Variants in MEI4 observed in about 807,000 individuals in gnomAD.
MEI4 encodes meiotic double-stranded break formation protein 4, also known as meiosis-specific protein MEI4.
MEI4 carries 27 observed loss-of-function variants against 31.4 expected under a neutral mutation model. The observed-to-expected ratio is 0.86, with a 90% CI of 0.63 to 1.19. The LOEUF (loss-of-function observed/expected upper bound fraction) is 1.19, where lower values mean the gene tolerates loss of function less well. MEI4 is among the 50% of genes most tolerant of loss of function. The probability of loss-of-function intolerance (pLI) is 0.00; values close to 1 mark genes in which losing one functional copy is unlikely to be tolerated. For synonymous variants in MEI4, 122 were observed against 145.4 expected (o/e 0.84, Z 1.16); for missense variants, 329 against 398.9 (o/e 0.82, Z 1.49).
In MEI4 at chr6:77,761,427, A is replaced by C. The variant is rs997914245; in HGVS notation, c.530A>C (p.Glu177Ala). 15 of 1,232,010 alleles carry C rather than the reference A, an allele frequency of 1.2e-5. No individual in the cohort carries two copies. The highest frequency in any genetic ancestry group is 1.5e-5 in the Non-Finnish European group (15 of 987,920). 76.3% of individuals were successfully genotyped at this position (1,232,010 alleles called of 1,614,324 possible). Residue 177 changes from glutamate (E) to alanine (A), a missense_variant, in exon 3 of 5, where the codon GAA (glutamate) becomes GCA (alanine). By Grantham distance (107) the Glu-to-Ala change is moderately radical (BLOSUM62 -1). Coordinates refer to ENST00000684080, the MANE Select transcript of MEI4 (RefSeq NM_001322247.2). Reference sequence around the variant, plus strand: ...CTTAAAAGAGACTTAACCCACTTTGAAAAAGACTCTTCCACAGTCTCTGAT... The same window carrying C: ...CTTAAAAGAGACTTAACCCACTTTGCAAAAGACTCTTCCACAGTCTCTGAT... The part of the protein sequence containing the change: ...GNLKRDLTHF[E>A]KDSSTVSDSV...
chr6:77,694,586 A>G (rs1484104636), intron 2 of MEI4, among the ~76,000 whole-genome samples: 1 of 152,182 alleles, frequency 6.6e-6, no homozygotes, highest in Non-Finnish European at 1.5e-5. Flanking sequence ...TACAAAGGAC[A>G]TGAACTCATC....
At chr6:77,667,612 G>A (rs1052422798) in intron 1 of MEI4, among the ~76,000 whole-genome samples, 1 of 152,096 alleles carries the variant, frequency 6.6e-6, no homozygotes, top group African/African-American at 2.4e-5. Context: ...TCGCTCTCAG[G>A]GGAGAAAGAC....
intron 3 of MEI4, among the ~76,000 whole-genome samples, chr6:77,784,719 A>G (rs979252084): frequency 6.6e-6 from 1 of 152,186 alleles, no homozygotes; most frequent in African/African-American, 2.4e-5. Context: ...GCAGTGTTAA[A>G]TGTAAATGTC....
At chr6:77,756,629 CTCTCTCTCTCTT>C (rs1189814481) in intron 2 of MEI4, among the ~76,000 whole-genome samples, 1 of 148,026 alleles carries the variant, frequency 6.8e-6, no homozygotes, top group South Asian at 2.1e-4. Flanking sequence ...CTCTCCCTCT[CTCTCTCTCTCTT>C]TCTCTCCCTC....
chr6:77,717,050 AG>A (rs1246586516), intron 2 of MEI4, among the ~76,000 whole-genome samples: 1 of 146,064 alleles, frequency 6.8e-6, no homozygotes, highest in Non-Finnish European at 1.5e-5. Flanking sequence ...GAAAGAAATA[AG>A]GGGACCCGGG....
intron 3 of MEI4, among the ~76,000 whole-genome samples, chr6:77,795,764 T>C (rs6940249): frequency 0.84 from 125,488 of 149,942 alleles, 53,113 homozygotes; most frequent in African/African-American, 0.96. Context: ...GAGATTGCAT[T>C]GGAAAAAAAA....
At chr6:77,771,298 G>C (rs773402269) in intron 3 of MEI4, among the ~76,000 whole-genome samples, 2 of 152,034 alleles carry the variant, frequency 1.3e-5, no homozygotes, top group Non-Finnish European at 2.9e-5. Context: ...ACAGATGCTG[G>C]CAAGGTTGTG....
intron 1 of MEI4, among the ~76,000 whole-genome samples, chr6:77,661,249 A>G (rs1768500904): frequency 1.3e-5 from 2 of 152,134 alleles, no homozygotes; most frequent in South Asian, 2.1e-4. Context: ...GAGGATGGTA[A>G]GGGATATGAA....
At chr6:77,757,372 A>T (rs948788849) in intron 2 of MEI4, among the ~76,000 whole-genome samples, 11 of 152,208 alleles carry the variant, frequency 7.2e-5, no homozygotes, top group African/African-American at 2.7e-4. Context: ...GTTTTTCCAT[A>T]TTAGCATTTC....
chr6:77,903,944 TA>T (rs1766239339), intron 4 of MEI4, among the ~76,000 whole-genome samples: 1 of 152,140 alleles, frequency 6.6e-6, no homozygotes, highest in African/African-American at 2.4e-5. Flanking sequence ...TTTGTGTACT[TA>T]AAGGTCAAGT....
intron 3 of MEI4, among the ~76,000 whole-genome samples, chr6:77,777,756 G>C (rs1768489938): frequency 6.6e-6 from 1 of 151,882 alleles, no homozygotes; most frequent in Non-Finnish European, 1.5e-5. Flanking sequence ...GACAACATGG[G>C]GGAACCAAAG....
At chr6:77,916,485 A>G (rs1265824697) in intron 4 of MEI4, among the ~76,000 whole-genome samples, 1 of 151,990 alleles carries the variant, frequency 6.6e-6, no homozygotes, top group Non-Finnish European at 1.5e-5. Context: ...GTTGATGTTG[A>G]TCAGATTCTG....
chr6:77,665,179 G>C (rs535459691), intron 1 of MEI4, among the ~76,000 whole-genome samples: 5 of 151,858 alleles, frequency 3.3e-5, no homozygotes, highest in Non-Finnish European at 5.9e-5. Flanking sequence ...GTCGAGGCAC[G>C]GAAAGGGGTC....
chr6:77,823,753 G>A (rs927732797), intron 3 of MEI4, among the ~76,000 whole-genome samples: 2 of 152,088 alleles, frequency 1.3e-5, no homozygotes, highest in African/African-American at 4.8e-5. Flanking sequence ...AAATAAAGAG[G>A]TTGAGACATA....
chr6:77,844,752 G>A (rs545749062), intron 4 of MEI4, among the ~76,000 whole-genome samples: 1 of 152,044 alleles, frequency 6.6e-6, no homozygotes, highest in South Asian at 2.1e-4. Flanking sequence ...ACATGTCGAG[G>A]AAAGCAGTTA....
chr6:77,686,051 T>C (rs1044881040), intron 1 of MEI4, among the ~76,000 whole-genome samples: 6 of 151,906 alleles, frequency 3.9e-5, no homozygotes, highest in Non-Finnish European at 5.9e-5. Context: ...TGAAAAAGAG[T>C]CTGGGACCTC....
At chr6:77,793,047 C>T (rs1768980996) in intron 3 of MEI4, among the ~76,000 whole-genome samples, 3 of 152,096 alleles carry the variant, frequency 2.0e-5, no homozygotes. Flanking sequence ...ATGTTTTTCT[C>T]CCAGTGTGTG....
chr6:77,880,950 A>C (rs1771475436), intron 4 of MEI4, among the ~76,000 whole-genome samples: 1 of 152,134 alleles, frequency 6.6e-6, no homozygotes, highest in Non-Finnish European at 1.5e-5. Flanking sequence ...TTTAAATTAA[A>C]ATTAAAAATC....
intron 2 of MEI4, among the ~76,000 whole-genome samples, chr6:77,727,361 T>C (rs745740394): frequency 9.9e-5 from 15 of 152,246 alleles, no homozygotes; most frequent in Non-Finnish European, 2.1e-4. Context: ...AAGGGGATTT[T>C]ATGAATGTTT....
Sources: gnomAD v4.1 joint callset for allele counts (sites outside exome capture counted in the v4.1 genomes callset) on GRCh38, gnomAD v4.1.1 for gene constraint, MANE v1.5 for transcripts, NCBI Gene and HGNC (gene_info 2026-07-23, HGNC 2026-07-21) for gene names.